Variants in STK39 observed in about 807,000 individuals in gnomAD.
STK39 encodes serine/threonine kinase 39.
Under a neutral mutation model 77.8 loss-of-function variants are expected in STK39, and 20 were observed. The observed-to-expected ratio is 0.26, with a 90% CI of 0.18 to 0.37. The LOEUF is 0.37. STK39 is among the 10% of genes least tolerant of loss of function. STK39 has a pLI of 1.00. For missense variants in STK39, 479 were observed against 656.5 expected, an observed-to-expected ratio of 0.73 and a Z score of 2.95; for synonymous variants, 246 against 234.1, an observed-to-expected ratio of 1.05 and a Z score of -0.47.
chr2:167,980,754 T>G (rs939383311), intron 16 of STK39, among the ~76,000 whole-genome samples: 6 of 29,476 alleles, frequency 2.0e-4, no homozygotes, highest in Non-Finnish European at 4.9e-4. Flanking sequence ...CTTGTTGTTG[T>G]TTTTTTTTTT....
chr2:168,135,905 T>C (rs1308272898), intron 8 of STK39, among the ~76,000 whole-genome samples: 1 of 151,536 alleles, frequency 6.6e-6, no homozygotes, highest in Admixed American at 6.6e-5. Flanking sequence ...ACTTTGTACA[T>C]CAACAGTGTT....
intron 10 of STK39, among the ~76,000 whole-genome samples, chr2:168,118,679 C>T (rs1008721116): frequency 6.6e-6 from 1 of 151,846 alleles, no homozygotes; most frequent in African/African-American, 2.4e-5. Flanking sequence ...GCTTTTCCCC[C>T]TTGCTCTTTC....
At chr2:168,143,379 G>A (rs1415108835) in intron 5 of STK39, among the ~76,000 whole-genome samples, 3 of 152,152 alleles carry the variant, frequency 2.0e-5, no homozygotes, top group Non-Finnish European at 4.4e-5. Context: ...CCAGGCTCCA[G>A]CAACCAGGCC....
chr2:168,070,082 T>A (rs1009442739), intron 12 of STK39, among the ~76,000 whole-genome samples: 1 of 152,178 alleles, frequency 6.6e-6, no homozygotes, highest in African/African-American at 2.4e-5. Context: ...AGAAGATCAA[T>A]AATGGGATAA....
intron 1 of STK39, among the ~76,000 whole-genome samples, 167 bp downstream of exon 1, chr2:168,247,061 T>TAAA (rs755613797): frequency 0.021 from 1,864 of 88,910 alleles, 97 homozygotes; most frequent in African/African-American, 0.074. Flanking sequence ...CATTAAAAAT[T>TAAA]AAAAAAAAAA....
chr2:168,229,699 A>G (rs1690403096), intron 1 of STK39, among the ~76,000 whole-genome samples: 1 of 152,214 alleles, frequency 6.6e-6, no homozygotes, highest in Non-Finnish European at 1.5e-5. Flanking sequence ...GCTGTGACAA[A>G]TCTAGCTCAT....
chr2:167,966,118 C>T (rs571210084), intron 16 of STK39, among the ~76,000 whole-genome samples: 1 of 152,226 alleles, frequency 6.6e-6, no homozygotes, highest in East Asian at 1.9e-4. Flanking sequence ...CTCTTTTTCT[C>T]CTCTTTCTTT....
intron 14 of STK39, among the ~76,000 whole-genome samples, chr2:168,020,613 A>C (rs1328380712): frequency 6.6e-6 from 1 of 150,888 alleles, no homozygotes; most frequent in Non-Finnish European, 1.5e-5. Context: ...CATAATATAC[A>C]CATATATGTA....
chr2:168,188,502 G>A (rs1163454069), intron 1 of STK39, among the ~76,000 whole-genome samples: 1 of 152,208 alleles, frequency 6.6e-6, no homozygotes, highest in South Asian at 2.1e-4. Flanking sequence ...TATTTTGCCT[G>A]AGTGTGTTAC....
intron 2 of STK39, among the ~76,000 whole-genome samples, chr2:168,178,662 A>T (rs1268094387): frequency 1.3e-5 from 2 of 152,212 alleles, no homozygotes; most frequent in African/African-American, 4.8e-5. Context: ...ATAAATCTGA[A>T]TCATCAATTA....
chr2:168,129,842 G>A, intron 8 of STK39, 84 bp from the exon 9 acceptor site: 1 of 1,498,162 alleles, frequency 6.7e-7, no homozygotes, highest in Middle Eastern at 2.4e-4. Context: ...AACCTTAAGA[G>A]TATTTCTGGA....
chr2:168,045,757 A>G (rs1685223325), intron 14 of STK39, among the ~76,000 whole-genome samples: 1 of 152,194 alleles, frequency 6.6e-6, no homozygotes. Flanking sequence ...CTACTCCTTT[A>G]AGGCTTATTA....
At position 167,954,733 on chromosome 2, in the gene STK39, G is replaced by A. The variant is rs1387541643; in HGVS notation, c.*763C>T. On this transcript the variant is annotated 3_prime_UTR_variant, in exon 18 of 18. Transcript: ENST00000355999. ...TTTGCAAGGCACCTCCCTCTCCCAA[G>A]AGACAGTCAGATTGTAAATTGGTTT... 3 of 152,600 alleles carry A rather than the reference G, an allele frequency of 2.0e-5. No individual in the cohort carries two copies. Among genetic ancestry groups the A allele is most frequent in the East Asian group, 1.9e-4 (1 of 5,192 alleles). The allele number at this position is 152,600 out of a possible 1,614,324, so 9.5% of individuals were successfully genotyped here.
intron 4 of STK39, among the ~76,000 whole-genome samples, chr2:168,162,923 A>G (rs1164353785): frequency 1.3e-5 from 2 of 151,916 alleles, no homozygotes; most frequent in African/African-American, 2.4e-5. Flanking sequence ...GCTACTCGGG[A>G]GGCTGAGACA....
At chr2:168,194,283 G>A (rs1320911970) in intron 1 of STK39, among the ~76,000 whole-genome samples, 3 of 152,148 alleles carry the variant, frequency 2.0e-5, no homozygotes, top group Non-Finnish European at 4.4e-5. Context: ...AGCTGGGCAT[G>A]GTGGTGCAGG....
chr2:168,171,933 G>A (rs1423832126), intron 2 of STK39, among the ~76,000 whole-genome samples: 1 of 133,622 alleles, frequency 7.5e-6, no homozygotes, highest in Non-Finnish European at 1.5e-5. Context: ...TGACTAGCAA[G>A]GATCTGATCC....
intron 1 of STK39, among the ~76,000 whole-genome samples, chr2:168,183,118 C>T (rs185145454): frequency 3.3e-4 from 50 of 152,146 alleles, no homozygotes; most frequent in Non-Finnish European, 6.9e-4. Flanking sequence ...ATTTCTAGTG[C>T]GAATCAGGGC....
chr2:168,230,948 G>A (rs1690438781), intron 1 of STK39, among the ~76,000 whole-genome samples: 1 of 152,018 alleles, frequency 6.6e-6, no homozygotes, highest in African/African-American at 2.4e-5. Context: ...TTTCTCCCTG[G>A]CTTCACAGAC....
At chr2:168,142,926 T>C (rs926633560) in intron 5 of STK39, among the ~76,000 whole-genome samples, 8 of 152,240 alleles carry the variant, frequency 5.3e-5, no homozygotes, top group Admixed American at 3.3e-4. Context: ...TTATGTTATA[T>C]ACACAAAAAA....
Sources: gnomAD v4.1 joint callset for allele counts (sites outside exome capture counted in the v4.1 genomes callset) on GRCh38, gnomAD v4.1.1 for gene constraint, MANE v1.5 for transcripts, NCBI Gene and HGNC (gene_info 2026-07-23, HGNC 2026-07-21) for gene names.